DAGLB: variants seen among roughly 807,000 people sequenced by gnomAD.
The protein encoded by DAGLB is diacylglycerol lipase beta.
In DAGLB, 66 loss-of-function variants were observed where a neutral mutation model predicts 72.1. That is an observed-to-expected ratio of 0.92 (90% confidence interval 0.75 to 1.12). The LOEUF is 1.12. Ranked by LOEUF, DAGLB falls within the 50% of genes most tolerant of loss-of-function variation. The pLI is 0.00. For synonymous variants in DAGLB, 414 were observed against 359.5 expected (o/e 1.15, Z -1.71); for missense variants, 1,065 against 884.9 (o/e 1.20, Z -2.58).
chr7:6,422,076 C>T, intron 8 of DAGLB: 2 of 539,780 alleles, frequency 3.7e-6, no homozygotes, highest in South Asian at 3.3e-5. Flanking sequence ...CCCCATCACA[C>T]ACACGTATTC....
intron 7 of DAGLB, among the ~76,000 whole-genome samples, chr7:6,425,358 G>A (rs1198406646): frequency 2.6e-5 from 4 of 151,990 alleles, no homozygotes; most frequent in Admixed American, 1.3e-4. Context: ...TGTAACCTCC[G>A]CCTCCCGGAT....
chr7:6,447,677 G>A (rs1583307304), intron 1 of DAGLB, 71 bp downstream of exon 1: 3 of 1,531,670 alleles, frequency 2.0e-6, no homozygotes, highest in South Asian at 1.2e-5. Context: ...TTCTGTCACC[G>A]TCTCAAGGGA....
chr7:6,426,100 G>T lies in DAGLB; in HGVS notation c.944C>A (p.Thr315Asn), dbSNP rs1583291108. The change falls in exon 7 of 15, where the codon ACC (threonine) becomes AAC (asparagine). Residue 315 changes from threonine (T) to asparagine (N), a missense_variant. Transcript: ENST00000297056. Reference sequence around the variant, plus strand: ...GCCTCCGACCAAGTCATAGTCTGTGGTTCTGCTTCTGCAGCTAAAAAGAGG... The same window carrying T: ...GCCTCCGACCAAGTCATAGTCTGTGTTTCTGCTTCTGCAGCTAAAAAGAGG... ...RIGGDCCRSR[T>N]TDYDLVGGDQ... 6.2e-7 allele frequency: 1 copy of T among 1,613,786 alleles called. No individual in the cohort carries two copies. The highest frequency in any genetic ancestry group is 1.3e-5 in the African/African-American group (1 of 75,040).
intron 4 of DAGLB, 95 bp from the exon 5 acceptor site, chr7:6,433,054 C>T (rs563116795): frequency 2.9e-5 from 43 of 1,499,572 alleles, no homozygotes; most frequent in Admixed American, 1.2e-4. Flanking sequence ...TAGGCATTCA[C>T]GCACACACAG....
rs746399997 is a variant in DAGLB, at chr7:6,434,948, T to C, written c.492A>G (p.Pro164=). ...GGTGGCTGGGGCCGGCAGAGGAATA[T>C]GGAGCCATTTTCCCCCCAAGAGGGT... is the stretch of plus-strand genomic sequence containing the variant. ...VFDPLGGKMA[P]YSSAGPSHLD... The change falls in exon 4 of 15, where the codon CCA becomes CCG. Residue 164 remains proline (P), a synonymous_variant. Transcript: ENST00000297056. The C allele has an allele frequency of 6.2e-7, 1 of 1,614,032 alleles. No individual in the cohort carries two copies. The highest frequency in any genetic ancestry group is 8.5e-7 in the Non-Finnish European group (1 of 1,180,004).
At chr7:6,412,051 A>C (rs1180790525) in intron 13 of DAGLB, among the ~76,000 whole-genome samples, 1 of 152,028 alleles carries the variant, frequency 6.6e-6, no homozygotes, top group Non-Finnish European at 1.5e-5. Flanking sequence ...AGTAGCTGGG[A>C]TTACAGGCAC....
At chr7:6,436,292 C>A in intron 3 of DAGLB, 70 bp downstream of exon 3, 2 of 1,527,664 alleles carry the variant, frequency 1.3e-6, no homozygotes, top group South Asian at 2.5e-5. Context: ...GACTCTCTGT[C>A]ATGTTAGAAG....
chr7:6,444,629 T>G (rs983142665), intron 2 of DAGLB, among the ~76,000 whole-genome samples: 1 of 151,440 alleles, frequency 6.6e-6, no homozygotes, highest in African/African-American at 2.4e-5. Context: ...AATAAAAGGA[T>G]CAATAGCCTA....
At chr7:6,423,457 A>C (rs1428867522) in intron 8 of DAGLB, among the ~76,000 whole-genome samples, 2 of 152,108 alleles carry the variant, frequency 1.3e-5, no homozygotes, top group African/African-American at 4.8e-5. Flanking sequence ...CAGAGTCTCG[A>C]TCTGTCGCCA....
rs764727407 is a variant in DAGLB at position 6,416,676 on chromosome 7, A to C, written c.1378T>G (p.Tyr460Asp). ...ALLATMLRAAYPQVRCYAFSP... is the reference protein window; with the variant it reads ...ALLATMLRAADPQVRCYAFSP... The stretch of plus-strand genomic sequence containing the variant: ...AAGGCGTAGCACCTGACCTGCGGGT[A>C]GGCGGCTCTGAGCATGGTGGCCAGC... The change falls in exon 11 of 15, where the codon TAC (tyrosine) becomes GAC (aspartate). Residue 460 changes from tyrosine (Y) to aspartate (D), a missense_variant. Tyr to Asp is a radical substitution (Grantham distance 160). Transcript: ENST00000297056. The C allele has an allele frequency of 6.2e-7, 1 of 1,613,718 alleles. No homozygotes were observed. The highest frequency in any genetic ancestry group is 8.5e-7 in the Non-Finnish European group (1 of 1,179,838).
intron 2 of DAGLB, among the ~76,000 whole-genome samples, chr7:6,437,059 CAGG>C (rs1237797567): frequency 6.6e-6 from 1 of 151,592 alleles, no homozygotes; most frequent in Non-Finnish European, 1.5e-5. Context: ...GAGGCTGAGA[CAGG>C]AGAATCGCTT....
intron 1 of DAGLB, 137 bp downstream of exon 1, chr7:6,447,611 C>A: frequency 7.9e-7 from 1 of 1,260,894 alleles, no homozygotes; most frequent in Non-Finnish European, 1.1e-6. Context: ...GTGGTGAGAA[C>A]TCGATAAGAG....
chr7:6,417,238 G>C, intron 9 of DAGLB: 3 of 213,642 alleles, frequency 1.4e-5, no homozygotes, highest in Non-Finnish European at 2.8e-5. Flanking sequence ...AAAAATACAA[G>C]ACCAGCCTGG....
chr7:6,437,293 C>T lies in DAGLB; in HGVS notation c.248-760G>A, dbSNP rs563437218. Among the ~76,000 whole-genome samples the T allele has an allele frequency of 2.6e-4, 40 of 152,222 alleles. No individual in the cohort carries two copies. In the East Asian group the frequency reaches 5.4e-3, roughly 21 times the overall value. ...CTAACAGCCATGAAAACAAGCTCCA[C>T]GTCCCTTTGAGACCTACATTGTTCT... On this transcript the variant is annotated intron_variant, in intron 2 of 14. Coordinates refer to ENST00000297056, the MANE Select transcript of DAGLB (RefSeq NM_139179.4).
chr7:6,447,766 A>T lies in DAGLB; in HGVS notation c.77T>A (p.Leu26Gln). 6.2e-7 allele frequency: 1 copy of T among 1,613,514 alleles called. No homozygotes were observed. Among genetic ancestry groups the T allele is most frequent in the Non-Finnish European group, 8.5e-7 (1 of 1,179,786 alleles). ...DDLVFPGFFE[L>Q]VVRVLWWIGI... The stretch of plus-strand genomic sequence containing the variant: ...TCCTTACCACAGCACTCGCACGACC[A>T]GCTCGAAGAACCCTGGGAAGACCAA... Residue 26 changes from leucine to glutamine, a missense_variant, in exon 1 of 15, where the codon CTG becomes CAG. Transcript: ENST00000297056.
At chr7:6,430,746 C>G in intron 5 of DAGLB, 139 bp from the exon 6 acceptor site, 1 of 944,886 alleles carries the variant, frequency 1.1e-6, no homozygotes, top group Non-Finnish European at 1.4e-6. Flanking sequence ...CGCCCACAGG[C>G]AAAACTGCTC....
chr7:6,426,903 T>C (rs1427256296), intron 6 of DAGLB, among the ~76,000 whole-genome samples: 1 of 151,790 alleles, frequency 6.6e-6, no homozygotes, highest in African/African-American at 2.4e-5. Context: ...AAGTCAGGAG[T>C]TCGAGACCAG....
At chr7:6,417,652 G>C (rs369712685) in intron 9 of DAGLB, 1 of 152,058 alleles carries the variant, frequency 6.6e-6, no homozygotes, top group Non-Finnish European at 1.5e-5. Flanking sequence ...GCTGAGGCAG[G>C]AGGATCACTT....
intron 8 of DAGLB, chr7:6,422,418 C>T (rs997218207): frequency 2.5e-5 from 5 of 198,430 alleles, no homozygotes; most frequent in Non-Finnish European, 5.3e-5. Flanking sequence ...GGTCCACAGG[C>T]GAGTGCTGTG....
Sources: gnomAD v4.1 joint callset for allele counts (sites outside exome capture counted in the v4.1 genomes callset) on GRCh38, gnomAD v4.1.1 for gene constraint, MANE v1.5 for transcripts, NCBI Gene and HGNC (gene_info 2026-07-23, HGNC 2026-07-21) for gene names.